VPS13B: variants seen among roughly 807,000 people sequenced by gnomAD.
The protein encoded by VPS13B is intermembrane lipid transfer protein VPS13B.
In VPS13B, 285 loss-of-function variants were observed where a neutral mutation model predicts 426.4. The observed-to-expected ratio is 0.67, with a 90% CI of 0.61 to 0.74. The LOEUF is 0.74. VPS13B is among the 30% of genes least tolerant of loss of function. The probability of loss-of-function intolerance (pLI) is 0.00; values close to 1 mark genes in which losing one functional copy is unlikely to be tolerated. For synonymous variants in VPS13B, 1,676 were observed against 1,676.4 expected (o/e 1.00, Z 0.01); for missense variants, 4,537 against 4,782.6 (o/e 0.95, Z 1.51).
chr8:99,808,409 G>A (rs1234812052), intron 43 of VPS13B, among the ~76,000 whole-genome samples: 2 of 151,398 alleles, frequency 1.3e-5, no homozygotes, highest in East Asian at 1.9e-4. Context: ...CCAGCTACTC[G>A]GGAGGCTGAG....
At chr8:99,163,352 C>A (rs1405426462) in intron 15 of VPS13B, among the ~76,000 whole-genome samples, 1 of 152,368 alleles carries the variant, frequency 6.6e-6, no homozygotes, top group Non-Finnish European at 1.5e-5. Flanking sequence ...GGATCCCGCA[C>A]CGGGGCTGCA....
At chr8:99,861,730 T>C (rs1011719298) in intron 57 of VPS13B, 46 bp from the exon 58 acceptor site, 2 of 1,563,278 alleles carry the variant, frequency 1.3e-6, no homozygotes, top group Non-Finnish European at 1.7e-6. Context: ...TTGGGGTCCA[T>C]CATGTATGCG....
chr8:99,314,259 T>C (rs774058073), intron 19 of VPS13B, among the ~76,000 whole-genome samples: 3 of 152,158 alleles, frequency 2.0e-5, no homozygotes, highest in Non-Finnish European at 2.9e-5. Flanking sequence ...TCTGCGTCGC[T>C]CATGCTGGGA....
At chr8:99,848,219 T>G (rs77218048) in intron 54 of VPS13B, among the ~76,000 whole-genome samples, 1 of 152,200 alleles carries the variant, frequency 6.6e-6, no homozygotes, top group African/African-American at 2.4e-5. Flanking sequence ...AAATTAATTT[T>G]TTACTCCGAG....
rs553894441 is a variant in VPS13B at position 99,818,278 on chromosome 8, C to T, written c.8362-173C>T. On this transcript the variant is annotated intron_variant, in intron 45 of 61. Coordinates refer to ENST00000357162, the MANE Select transcript of VPS13B (RefSeq NM_152564.5). ...GAGTTGGCCCCGCTGACTCACTGCA[C>T]ATTTGCTTTCTGCCATAATGAAGTC... Among the ~76,000 whole-genome samples, 17 of 152,272 alleles carry T rather than the reference C, an allele frequency of 1.1e-4. No homozygotes were observed. The East Asian group carries it at 3.3e-3, about 29-fold the overall frequency.
chr8:99,853,697 G>A lies in VPS13B; in HGVS notation c.10308G>A (p.Lys3436=). Residue 3436 remains lysine (K), a synonymous_variant, in exon 56 of 62, where the codon AAG becomes AAA. Coordinates refer to ENST00000357162, the MANE Select transcript of VPS13B (RefSeq NM_152564.5). ...DLQLDNQLYN[K]SNFHFAVLVC... is the part of the protein sequence containing the mutation. ...AGCTAGACAACCAGCTTTATAACAA[G>A]TCCAATTTCCACTTTGCTGTCTTAG... The A allele has an allele frequency of 6.2e-7, 1 of 1,614,190 alleles. No individual in the cohort carries two copies. The highest frequency in any genetic ancestry group is 8.5e-7 in the Non-Finnish European group (1 of 1,180,034).
intron 51 of VPS13B, among the ~76,000 whole-genome samples, chr8:99,829,405 A>G (rs1034663898): frequency 3.9e-5 from 6 of 152,090 alleles, no homozygotes; most frequent in African/African-American, 9.7e-5. Flanking sequence ...ATACTTGTGT[A>G]TGCTTCTCAA....
At chr8:99,054,775 G>A (rs893172515) in intron 3 of VPS13B, among the ~76,000 whole-genome samples, 1 of 152,068 alleles carries the variant, frequency 6.6e-6, no homozygotes, top group Non-Finnish European at 1.5e-5. Context: ...TGTTGTATAT[G>A]GGTTCAACTT....
At chr8:99,192,809 C>A in intron 16 of VPS13B, 67 bp from the exon 17 acceptor site, 6 of 1,563,978 alleles carry the variant, frequency 3.8e-6, no homozygotes, top group South Asian at 2.2e-5. Flanking sequence ...CAACCTAAGT[C>A]ATTTAGTATT....
chr8:99,720,688 T>C, intron 38 of VPS13B, 136 bp downstream of exon 38: 1 of 1,123,426 alleles, frequency 8.9e-7, no homozygotes, highest in Non-Finnish European at 1.3e-6. Context: ...TAGTACATTA[T>C]CATTCAATCT....
In VPS13B at chr8:99,311,886, T is replaced by C. The variant is rs932847910; in HGVS notation, c.2824+36632T>C. On this transcript the variant is annotated intron_variant, in intron 19 of 61. Transcript: ENST00000357162. ...GGGTGCATATATGATTAGGGTAGTT[T>C]GCTCTTCTTGTTGAATTGATCCCTT... is the stretch of plus-strand genomic sequence containing the variant. Among the ~76,000 whole-genome samples the C allele has an allele frequency of 6.6e-5, 10 of 152,260 alleles. No homozygotes were observed. The East Asian group carries it at 1.7e-3, about 27-fold the overall frequency.
At chr8:99,033,379 T>C (rs903718161) in intron 2 of VPS13B, among the ~76,000 whole-genome samples, 3 of 152,208 alleles carry the variant, frequency 2.0e-5, no homozygotes, top group Non-Finnish European at 4.4e-5. Flanking sequence ...TCAATATCTA[T>C]ATATTTTTTG....
chr8:99,203,961 C>A (rs1322680469), intron 17 of VPS13B, among the ~76,000 whole-genome samples: 1 of 152,110 alleles, frequency 6.6e-6, no homozygotes, highest in Non-Finnish European at 1.5e-5. Context: ...TTCAGTATAT[C>A]CCCATCAAGC....
intron 27 of VPS13B, among the ~76,000 whole-genome samples, chr8:99,504,392 A>T (rs1821391916): frequency 1.3e-5 from 2 of 152,212 alleles, no homozygotes; most frequent in South Asian, 2.1e-4. Flanking sequence ...ATGGACTAAC[A>T]CACTGTAGCC....
chr8:99,728,956 C>G (rs1833474555), intron 39 of VPS13B, among the ~76,000 whole-genome samples: 1 of 152,168 alleles, frequency 6.6e-6, no homozygotes, highest in Non-Finnish European at 1.5e-5. Flanking sequence ...TTATTCTTCC[C>G]TTTCAACAGA....
At chr8:99,869,801 A>G (rs1196028404) in intron 59 of VPS13B, among the ~76,000 whole-genome samples, 1 of 152,190 alleles carries the variant, frequency 6.6e-6, no homozygotes, top group Non-Finnish European at 1.5e-5. Flanking sequence ...AACTTTTATT[A>G]CCGAACTGAA....
At chr8:99,800,669 A>G (rs1563922713) in intron 43 of VPS13B, among the ~76,000 whole-genome samples, 1 of 152,230 alleles carries the variant, frequency 6.6e-6, no homozygotes, top group East Asian at 1.9e-4. Flanking sequence ...TTTGTAGAAA[A>G]TAATTTAAAT....
intron 61 of VPS13B, 123 bp downstream of exon 61, chr8:99,871,820 G>T (rs1204465733): frequency 9.0e-6 from 14 of 1,547,758 alleles, no homozygotes; most frequent in Non-Finnish European, 1.2e-5. Context: ...AGACCAAGGA[G>T]AGCTGCTACC....
chr8:99,137,465 G>A (rs977578020), intron 12 of VPS13B, among the ~76,000 whole-genome samples: 1 of 151,654 alleles, frequency 6.6e-6, no homozygotes, highest in Non-Finnish European at 1.5e-5. Context: ...GTTGAACTAG[G>A]CATTTAAGTA....
Sources: gnomAD v4.1 joint callset for allele counts (sites outside exome capture counted in the v4.1 genomes callset) on GRCh38, gnomAD v4.1.1 for gene constraint, MANE v1.5 for transcripts, NCBI Gene and HGNC (gene_info 2026-07-23, HGNC 2026-07-21) for gene names.